DNM2: variants seen among roughly 807,000 people sequenced by gnomAD.
DNM2 encodes the protein dynamin-2.
DNM2 carries 15 observed loss-of-function variants against 99.0 expected under a neutral mutation model. The observed-to-expected ratio is 0.15, with a 90% CI of 0.10 to 0.23. The LOEUF is 0.23. Ranked by LOEUF, DNM2 falls within the 10% of genes least tolerant of loss-of-function variation. The pLI is 1.00. For missense variants in DNM2, 742 were observed against 1,189.4 expected (o/e 0.62, Z 5.53); for synonymous variants, 525 against 481.2 (o/e 1.09, Z -1.19).
chr19:10,774,779 A>ATT (rs546734782), intron 3 of DNM2, among the ~76,000 whole-genome samples: 129 of 84,286 alleles, frequency 1.5e-3, no homozygotes, highest in Admixed American at 5.1e-3. Context: ...TTATATATTT[A>ATT]TTTTTTTTTT....
intron 13 of DNM2, among the ~76,000 whole-genome samples, chr19:10,808,145 G>GA (rs199796895): frequency 0.067 from 9,318 of 138,728 alleles, 625 homozygotes; most frequent in East Asian, 0.36. Context: ...TCCATATCAG[G>GA]AAAAAAAAAA....
At chr19:10,786,361 C>T in intron 6 of DNM2, 1 of 831,434 alleles carries the variant, frequency 1.2e-6, no homozygotes, top group Non-Finnish European at 1.9e-6. Context: ...CTCTTACACT[C>T]ATGGGCAGCT....
At chr19:10,824,085 T>G in intron 17 of DNM2, 186 bp downstream of exon 17, 1 of 609,154 alleles carries the variant, frequency 1.6e-6, no homozygotes, top group Non-Finnish European at 2.9e-6. Context: ...GCCCAGAAAG[T>G]TCCCTCACGG....
intron 1 of DNM2, among the ~76,000 whole-genome samples, chr19:10,736,649 C>T (rs183372452): frequency 1.9e-3 from 295 of 152,272 alleles, no homozygotes; most frequent in Non-Finnish European, 3.1e-3. Flanking sequence ...CTCTGGCACC[C>T]AGGCTGGTGT....
At chr19:10,790,627 C>A (rs2071719886) in intron 7 of DNM2, among the ~76,000 whole-genome samples, 2 of 152,084 alleles carry the variant, frequency 1.3e-5, no homozygotes, top group African/African-American at 4.8e-5. Context: ...CCACCACACC[C>A]AGCAAATTTT....
intron 6 of DNM2, chr19:10,786,334 C>G: frequency 1.5e-6 from 1 of 657,956 alleles, no homozygotes; most frequent in Non-Finnish European, 2.6e-6. Context: ...ATGTCGGCCC[C>G]GTGGGCTGTT....
At chr19:10,797,331 A>G (rs551978231) in intron 9 of DNM2, 49 bp from the exon 10 acceptor site, 5 of 1,607,716 alleles carry the variant, frequency 3.1e-6, no homozygotes, top group Admixed American at 3.3e-5. Context: ...TGTGGCCTGC[A>G]CTGTCCCTGG....
rs907597753 is a variant in DNM2, at chr19:10,818,338, C to T, written c.1672-1642C>T. 9.9e-5 allele frequency among the ~76,000 whole-genome samples: 15 copies of T among 152,250 alleles called. No individual in the cohort carries two copies. The South Asian group carries it at 1.0e-3, about 11-fold the overall frequency. ...TTTGCCTAGAGCCTGGCAGGCTAAT[C>T]CTGGAGCCGCTCACAAGAGCAACCA... On this transcript the variant is annotated intron_variant, in intron 15 of 20. Transcript: ENST00000389253. The surrounding 1 kb of genome is among the most constrained non-coding windows in gnomAD (Gnocchi z 4.3).
chr19:10,765,926 C>T lies in DNM2; in HGVS notation c.235+6115C>T, dbSNP rs1377855956. ...CCCCAGTGTGCAAAGCACTGGGACC[C>T]TAGCCCAGCCCCTGAGGGTTCCCTG... On this transcript the variant is annotated intron_variant, in intron 2 of 20. Coordinates refer to ENST00000389253, the MANE Select transcript of DNM2 (RefSeq NM_001005361.3). This position sits in a 1 kb window ranked among gnomAD's most constrained non-coding sequence, Gnocchi z 4.4. Among the ~76,000 whole-genome samples, 3 of 152,188 alleles carry T rather than the reference C, an allele frequency of 2.0e-5. No homozygotes were observed. The highest frequency in any genetic ancestry group is 1.3e-4 in the Admixed American group (2 of 15,278).
intron 1 of DNM2, among the ~76,000 whole-genome samples, chr19:10,758,498 CTTCCTCCCT>C (rs1162022986): frequency 3.7e-5 from 4 of 106,800 alleles, no homozygotes; most frequent in South Asian, 3.9e-4. Flanking sequence ...TCCTTCCTTC[CTTCCTCCCT>C]TTCCTCCCTT....
chr19:10,754,398 A>G (rs937587292), intron 1 of DNM2, among the ~76,000 whole-genome samples: 1 of 150,274 alleles, frequency 6.7e-6, no homozygotes, highest in Non-Finnish European at 1.5e-5. Flanking sequence ...GACTACAGGC[A>G]CCCTCCACCT....
chr19:10,785,682 C>G (rs1052657612), intron 6 of DNM2, among the ~76,000 whole-genome samples: 16 of 152,322 alleles, frequency 1.1e-4, no homozygotes, highest in African/African-American at 3.8e-4. Flanking sequence ...CTCTAGTGAT[C>G]TGTCTCAACC....
chr19:10,730,415 C>A (rs1221995045), intron 1 of DNM2, among the ~76,000 whole-genome samples: 1 of 152,072 alleles, frequency 6.6e-6, no homozygotes, highest in African/African-American at 2.4e-5. Context: ...AGCGGTGGAA[C>A]TTGCAGTGAG....
chr19:10,830,537 G>A lies in DNM2; in HGVS notation c.2543+159G>A. On this transcript the variant is annotated intron_variant, in intron 20 of 20. Coordinates refer to ENST00000389253, the MANE Select transcript of DNM2 (RefSeq NM_001005361.3). This position sits in a 1 kb window ranked among gnomAD's most constrained non-coding sequence, Gnocchi z 4.8. ...GCTTGCGAGGAAACAGGCCCAGAGA[G>A]GCCAAGAGGCTTGTTCAGTGTCACA... 3 of 873,004 alleles carry A rather than the reference G, an allele frequency of 3.4e-6. No individual in the cohort carries two copies. The South Asian group carries it at 5.1e-5, about 15-fold the overall frequency. The allele number at this position is 873,004 out of a possible 1,614,324, so 54.1% of individuals were successfully genotyped here.
intron 18 of DNM2, among the ~76,000 whole-genome samples, chr19:10,827,941 A>G (rs1302505695): frequency 6.6e-6 from 1 of 152,184 alleles, no homozygotes; most frequent in Admixed American, 6.5e-5. Flanking sequence ...ACAATGTATA[A>G]AATTCATGAA....
chr19:10,748,070 G>A (rs914051532), intron 1 of DNM2, among the ~76,000 whole-genome samples: 20 of 152,190 alleles, frequency 1.3e-4, no homozygotes, highest in African/African-American at 4.8e-4. Context: ...GGACAGGAAG[G>A]TGACAGGACA....
rs369553180 is a variant in DNM2, at chr19:10,761,955, A to G, written c.235+2144A>G. 4.6e-5 allele frequency among the ~76,000 whole-genome samples: 7 copies of G among 152,274 alleles called. No homozygotes were observed. In the East Asian group the frequency reaches 5.8e-4, roughly 13 times the overall value. On this transcript the variant is annotated intron_variant, in intron 2 of 20. Coordinates refer to ENST00000389253, the MANE Select transcript of DNM2 (RefSeq NM_001005361.3). ...GCTGTGCCAGGAATGGGCAGCCCCA[A>G]AGTCCTGAGAGTCACTATAGAAATC...
At chr19:10,725,445 C>CAAA (rs35718224) in intron 1 of DNM2, among the ~76,000 whole-genome samples, 1 of 83,982 alleles carries the variant, frequency 1.2e-5, no homozygotes. Context: ...GACTCCATCT[C>CAAA]AAAAAAAAAA....
chr19:10,726,778 G>T (rs1304932198), intron 1 of DNM2, among the ~76,000 whole-genome samples: 4 of 152,118 alleles, frequency 2.6e-5, no homozygotes, highest in South Asian at 4.1e-4. Context: ...GCGGAGAATC[G>T]CTTGAACCTG....
Sources: gnomAD v4.1 joint callset for allele counts (sites outside exome capture counted in the v4.1 genomes callset) on GRCh38, gnomAD v4.1.1 for gene constraint, Gnocchi (gnomAD v3.1) non-coding constraint, MANE v1.5 for transcripts, NCBI Gene and HGNC (gene_info 2026-07-23, HGNC 2026-07-21) for gene names.